Variants in TMEM178B observed in about 807,000 individuals in gnomAD.
TMEM178B encodes the protein transmembrane protein 178B.
Under a neutral mutation model 31.0 loss-of-function variants are expected in TMEM178B, and 5 were observed. The observed-to-expected ratio is 0.16, with a 90% CI of 0.08 to 0.34. The LOEUF is 0.34. TMEM178B is among the 10% of genes least tolerant of loss of function. The probability of loss-of-function intolerance (pLI) is 1.00; values close to 1 mark genes in which losing one functional copy is unlikely to be tolerated. For missense variants in TMEM178B, 275 were observed against 400.3 expected (o/e 0.69, Z 2.67); for synonymous variants, 164 against 164.0 (o/e 1.00, Z 0.00).
At chr7:141,357,268 A>T (rs1433275272) in intron 2 of TMEM178B, among the ~76,000 whole-genome samples, 1 of 152,182 alleles carries the variant, frequency 6.6e-6, no homozygotes, top group African/African-American at 2.4e-5. Flanking sequence ...TCCAGTTAGT[A>T]CCACCTACAG....
rs911052114 is a variant in TMEM178B, at chr7:141,437,758, G to T, written c.634+13G>T. The T allele has an allele frequency of 2.0e-6, 3 of 1,536,058 alleles. No homozygotes were observed. The Admixed American group carries it at 5.9e-5, about 30-fold the overall frequency. ...TTCCTCATGGGAGGTAAGGCTACGGGCTCGGCTTGTGGGTGGCAGTGGACA... is the reference window on the plus strand; with the variant it reads ...TTCCTCATGGGAGGTAAGGCTACGGTCTCGGCTTGTGGGTGGCAGTGGACA... On this transcript the variant is annotated intron_variant, in intron 3 of 3. Transcript: ENST00000565468.
intron 2 of TMEM178B, among the ~76,000 whole-genome samples, chr7:141,246,685 G>A (rs546191071): frequency 2.2e-4 from 33 of 152,154 alleles, no homozygotes; most frequent in African/African-American, 6.7e-4. Context: ...GTAAGCAAAG[G>A]CGTAGAGGTG....
intron 1 of TMEM178B, among the ~76,000 whole-genome samples, chr7:141,107,892 G>A (rs1164413893): frequency 6.6e-6 from 1 of 152,204 alleles, no homozygotes; most frequent in Non-Finnish European, 1.5e-5. Context: ...AGTTCCTGGA[G>A]AAGAAAAGGA....
At position 141,474,973 on chromosome 7, in the gene TMEM178B, G is replaced by C. The variant is rs1802335792; in HGVS notation, c.*4187G>C. The C allele has an allele frequency of 6.6e-6, 1 of 152,226 alleles. No homozygotes were observed. Among genetic ancestry groups the C allele is most frequent in the African/African-American group, 2.4e-5 (1 of 41,430 alleles). 9.4% of individuals were successfully genotyped at this position (152,226 alleles called of 1,614,324 possible). A position where few individuals can be genotyped will look rare whatever the true frequency, so the allele number is the denominator to read the frequency against. The stretch of plus-strand genomic sequence containing the variant: ...AAGAGATACACTCTGGTCATCCTTT[G>C]GTGTGGTTTGTGGGGGATACTTGGT... On this transcript the variant is annotated 3_prime_UTR_variant, in exon 4 of 4. Transcript: ENST00000565468.
At chr7:141,423,109 G>A (rs879608962) in intron 2 of TMEM178B, among the ~76,000 whole-genome samples, 7 of 152,032 alleles carry the variant, frequency 4.6e-5, no homozygotes, top group East Asian at 1.9e-4. Flanking sequence ...GCGTGATCTC[G>A]GCTCACTGTA....
At chr7:141,174,048 T>A (rs2129183078) in intron 1 of TMEM178B, among the ~76,000 whole-genome samples, 1 of 152,316 alleles carries the variant, frequency 6.6e-6, no homozygotes, top group South Asian at 2.1e-4. Flanking sequence ...CATGGTGATT[T>A]GCTGCACCCA....
At chr7:141,248,790 A>C (rs961787177) in intron 2 of TMEM178B, among the ~76,000 whole-genome samples, 2 of 152,212 alleles carry the variant, frequency 1.3e-5, no homozygotes, top group Non-Finnish European at 2.9e-5. Flanking sequence ...ATTTGTATAC[A>C]CTACTGTAGG....
chr7:141,446,625 A>G (rs1181759), intron 3 of TMEM178B, among the ~76,000 whole-genome samples: 122,147 of 152,128 alleles, frequency 0.8, 49,316 homozygotes, highest in African/African-American at 0.88. Context: ...AGAGGGAATT[A>G]TGGTTTTGTC....
chr7:141,266,670 A>G (rs190362599), intron 2 of TMEM178B, among the ~76,000 whole-genome samples: 3 of 152,306 alleles, frequency 2.0e-5, no homozygotes, highest in Non-Finnish European at 4.4e-5. Flanking sequence ...TCTGCGAGCC[A>G]TTGGTGCCTT....
chr7:141,182,943 G>GTTC (rs2129184096), intron 1 of TMEM178B, among the ~76,000 whole-genome samples: 1 of 152,272 alleles, frequency 6.6e-6, no homozygotes, highest in African/African-American at 2.4e-5. Context: ...TATTAACACT[G>GTTC]TGAGAACGAA....
chr7:141,313,214 A>G (rs908640248), intron 2 of TMEM178B, among the ~76,000 whole-genome samples: 1 of 152,220 alleles, frequency 6.6e-6, no homozygotes, highest in Admixed American at 6.5e-5. Context: ...CGAGTGGGAA[A>G]GAATGTTTGC....
At chr7:141,313,080 C>T (rs1296370696) in intron 2 of TMEM178B, among the ~76,000 whole-genome samples, 7 of 152,182 alleles carry the variant, frequency 4.6e-5, no homozygotes, top group African/African-American at 9.7e-5. Flanking sequence ...GTTCAAATGC[C>T]TCTGACACAA....
chr7:141,183,463 C>T (rs1223144964), intron 1 of TMEM178B, among the ~76,000 whole-genome samples: 2 of 152,168 alleles, frequency 1.3e-5, no homozygotes, highest in Non-Finnish European at 2.9e-5. Flanking sequence ...TACAAAAAAG[C>T]AGTTACTTAT....
At chr7:141,362,429 C>G (rs1408230462) in intron 2 of TMEM178B, among the ~76,000 whole-genome samples, 1 of 152,166 alleles carries the variant, frequency 6.6e-6, no homozygotes, top group Non-Finnish European at 1.5e-5. Flanking sequence ...TAGTAAAATG[C>G]TGTCCCCATG....
chr7:141,088,455 A>C (rs1586761278), intron 1 of TMEM178B, among the ~76,000 whole-genome samples: 1 of 152,108 alleles, frequency 6.6e-6, no homozygotes, highest in East Asian at 1.9e-4. Context: ...GACTGTGTAG[A>C]TATCCTTCAG....
intron 2 of TMEM178B, among the ~76,000 whole-genome samples, chr7:141,370,456 A>G (rs1800095969): frequency 6.6e-6 from 1 of 152,204 alleles, no homozygotes; most frequent in Non-Finnish European, 1.5e-5. Flanking sequence ...AGAGCTTTTA[A>G]TCCAGCAAAA....
intron 2 of TMEM178B, among the ~76,000 whole-genome samples, chr7:141,432,155 T>TC (rs1801444028): frequency 1.4e-5 from 1 of 72,676 alleles, no homozygotes; most frequent in East Asian, 3.9e-4. Context: ...TCTTTTTTTT[T>TC]TTTTTTTTTT....
intron 1 of TMEM178B, among the ~76,000 whole-genome samples, chr7:141,135,768 A>T (rs983644119): frequency 2.6e-5 from 4 of 152,200 alleles, no homozygotes. Context: ...ATAAATGCCT[A>T]TATCGAAAAA....
chr7:141,413,469 C>T (rs1055696115), intron 2 of TMEM178B, among the ~76,000 whole-genome samples: 2 of 152,170 alleles, frequency 1.3e-5, no homozygotes, highest in African/African-American at 4.8e-5. Flanking sequence ...AAGACTTCTG[C>T]CCATGCGTAT....
Sources: allele counts gnomAD v4.1 joint callset (sites outside exome capture counted in the v4.1 genomes callset), GRCh38; gene constraint gnomAD v4.1.1; transcripts MANE v1.5; gene names NCBI Gene and HGNC (gene_info 2026-07-23, HGNC 2026-07-21).